CACNA2D2: variants seen among roughly 807,000 people sequenced by gnomAD.
CACNA2D2 encodes calcium voltage-gated channel auxiliary subunit alpha2delta 2.
CACNA2D2 carries 48 observed loss-of-function variants against 166.4 expected under a neutral mutation model. The ratio of observed to expected loss-of-function variants is 0.29; its 90% CI spans 0.23 to 0.37. The LOEUF is 0.37. Ranked by LOEUF, CACNA2D2 falls within the 10% of genes least tolerant of loss-of-function variation. The pLI, the probability that CACNA2D2 is intolerant of heterozygous loss-of-function variation, is 1.00. For missense variants in CACNA2D2, 1,122 were observed against 1,433.0 expected, an observed-to-expected ratio of 0.78 and a Z score of 3.50; for synonymous variants, 561 against 573.7, an observed-to-expected ratio of 0.98 and a Z score of 0.32.
At chr3:50,387,378 A>G (rs1705664183) in intron 5 of CACNA2D2, among the ~76,000 whole-genome samples, 190 bp downstream of exon 5, 1 of 152,174 alleles carries the variant, frequency 6.6e-6, no homozygotes, top group African/African-American at 2.4e-5. Flanking sequence ...TCAGCCCACT[A>G]GTGCACAGAG....
chr3:50,469,037 C>T (rs946520641), intron 2 of CACNA2D2, among the ~76,000 whole-genome samples: 7 of 152,046 alleles, frequency 4.6e-5, no homozygotes, highest in African/African-American at 1.7e-4. Context: ...CTATGTTGGC[C>T]AGGCTGGTCT....
At chr3:50,436,623 G>C (rs1708362588) in intron 2 of CACNA2D2, among the ~76,000 whole-genome samples, 1 of 152,244 alleles carries the variant, frequency 6.6e-6, no homozygotes, top group African/African-American at 2.4e-5. Context: ...GAGAACAGTA[G>C]TACCCACCTC....
At chr3:50,496,911 A>G (rs1698747721) in intron 1 of CACNA2D2, among the ~76,000 whole-genome samples, 1 of 152,194 alleles carries the variant, frequency 6.6e-6, no homozygotes, top group African/African-American at 2.4e-5. Flanking sequence ...CAGGGAAAAG[A>G]CAGGCAGAAG....
chr3:50,365,170 T>G lies in CACNA2D2; in HGVS notation c.3113A>C (p.Gln1038Pro). The part of the protein sequence containing the change: ...CGNCSRLFHA[Q>P]RLTNTNLLFV... ...GAGAAGATTGGTGTTGGTCAGTCTC[T>G]GCGCGTGGAACAGCCTGCGGGCAGC... Residue 1038 changes from glutamine to proline, a missense_variant, in exon 36 of 38, where the codon CAG becomes CCG. Gln to Pro is a moderately conservative substitution (Grantham distance 76). This residue lies in a region of CACNA2D2 where 282 missense variants were observed against 266.2 expected (regional missense o/e 1.06). Transcript: ENST00000424201. The surrounding 1 kb of genome is among the most constrained non-coding windows in gnomAD (Gnocchi z 4.5). 6.2e-7 allele frequency: 1 copy of G among 1,612,102 alleles called. No individual in the cohort carries two copies. The highest frequency in any genetic ancestry group is 8.5e-7 in the Non-Finnish European group (1 of 1,179,702).
chr3:50,376,160 A>G lies in CACNA2D2; in HGVS notation c.1655T>C (p.Ile552Thr), dbSNP rs1704975948. 1.9e-6 allele frequency: 3 copies of G among 1,613,466 alleles called. No individual in the cohort carries two copies. Among genetic ancestry groups the G allele is most frequent in the African/African-American group, 1.3e-5 (1 of 75,028 alleles). The change falls in exon 18 of 38, where the codon ATT (isoleucine) becomes ACT (threonine). Residue 552 changes from isoleucine to threonine, a missense_variant. Transcript: ENST00000424201. The surrounding 1 kb of genome is among the most constrained non-coding windows in gnomAD (Gnocchi z 4.3). Reference sequence around the variant, plus strand: ...CAGCAACACGTAGCCGTTCAGGTCAATGGCAAACACATAGCCGTTGGCTCC... The same window carrying G: ...CAGCAACACGTAGCCGTTCAGGTCAGTGGCAAACACATAGCCGTTGGCTCC... ...TLGANGYVFAIDLNGYVLLHP... is the reference protein window; with the variant it reads ...TLGANGYVFATDLNGYVLLHP...
At chr3:50,439,376 C>A (rs147748471) in intron 2 of CACNA2D2, among the ~76,000 whole-genome samples, 1 of 152,348 alleles carries the variant, frequency 6.6e-6, no homozygotes, top group East Asian at 1.9e-4. Context: ...AGGTGAACAG[C>A]CCTAATCTCT....
intron 3 of CACNA2D2, among the ~76,000 whole-genome samples, chr3:50,401,059 A>C (rs1040791923): frequency 5.9e-5 from 9 of 152,226 alleles, no homozygotes; most frequent in African/African-American, 1.9e-4. Flanking sequence ...CAGAGTAACA[A>C]AAAACACTGA....
intron 2 of CACNA2D2, among the ~76,000 whole-genome samples, chr3:50,453,888 G>C (rs1709222667): frequency 6.6e-6 from 1 of 152,120 alleles, no homozygotes; most frequent in Non-Finnish European, 1.5e-5. Flanking sequence ...TGGAGTGGTA[G>C]GTCAGGGAAG....
chr3:50,417,791 T>C (rs1313291716), intron 3 of CACNA2D2, among the ~76,000 whole-genome samples: 1 of 152,210 alleles, frequency 6.6e-6, no homozygotes, highest in African/African-American at 2.4e-5. Flanking sequence ...ATTACTCATC[T>C]ACTTTGCTTC....
intron 2 of CACNA2D2, among the ~76,000 whole-genome samples, chr3:50,450,677 A>G (rs1709053879): frequency 6.6e-6 from 1 of 152,180 alleles, no homozygotes; most frequent in African/African-American, 2.4e-5. Context: ...ACAGAGTGAA[A>G]GAGGCTGTTG....
intron 2 of CACNA2D2, among the ~76,000 whole-genome samples, chr3:50,436,558 A>T (rs1173481015): frequency 2.0e-5 from 3 of 152,160 alleles, no homozygotes; most frequent in African/African-American, 7.2e-5. Flanking sequence ...TTGGAAGCTG[A>T]GACTCTGCCA....
Position 50,434,402 on chromosome 3 carries a change from C to T in CACNA2D2, c.316G>A (p.Glu106Lys), listed in dbSNP as rs140875826. The change falls in exon 3 of 38, where the codon GAG (glutamate) becomes AAG (lysine). Residue 106 changes from glutamate to lysine, a missense_variant. Around this residue, in one of 2 missense-constraint regions of CACNA2D2, gnomAD observed 840 missense variants for 1,166.8 expected, o/e 0.72. Coordinates refer to ENST00000424201, the MANE Select transcript of CACNA2D2 (RefSeq NM_006030.4). ...TTCTGAGGCTCATTCTCCTGTACCT[C>T]GAACAGGTTCCGGTTGTCCTTGTAA... ...EIYKDNRNLFEVQENEPQKLV... is the reference protein window; with the variant it reads ...EIYKDNRNLFKVQENEPQKLV... 37 of 1,614,124 alleles carry T rather than the reference C, an allele frequency of 2.3e-5. No homozygotes were observed. Among genetic ancestry groups the T allele is most frequent in the Non-Finnish European group, 2.6e-5 (31 of 1,179,958 alleles).
chr3:50,391,315 GGGC>G (rs1004409368), intron 4 of CACNA2D2, among the ~76,000 whole-genome samples: 1 of 152,212 alleles, frequency 6.6e-6, no homozygotes, highest in African/African-American at 2.4e-5. Flanking sequence ...TGAGGCCCTG[GGGC>G]CAATGGCCAC....
intron 17 of CACNA2D2, among the ~76,000 whole-genome samples, chr3:50,377,210 T>C (rs755569818): frequency 4.6e-5 from 7 of 152,240 alleles, no homozygotes; most frequent in Non-Finnish European, 1.0e-4. Flanking sequence ...GCTTTCACAA[T>C]ACAACAGTGC....
At chr3:50,500,040 G>T (rs1237623344) in intron 1 of CACNA2D2, among the ~76,000 whole-genome samples, 1 of 152,174 alleles carries the variant, frequency 6.6e-6, no homozygotes, top group Non-Finnish European at 1.5e-5. Flanking sequence ...GAGTGATGCT[G>T]CCTCCCTCCA....
At chr3:50,399,213 C>A (rs191357271) in intron 3 of CACNA2D2, among the ~76,000 whole-genome samples, 1 of 152,342 alleles carries the variant, frequency 6.6e-6, no homozygotes, top group East Asian at 1.9e-4. Flanking sequence ...TCCTCACCAG[C>A]CCTCACCTGG....
chr3:50,396,986 C>T (rs1706192449), intron 3 of CACNA2D2, among the ~76,000 whole-genome samples: 1 of 152,206 alleles, frequency 6.6e-6, no homozygotes. Flanking sequence ...GGAACTCCTG[C>T]CCCTGCCTCT....
rs1553739124 is a variant in CACNA2D2 at position 50,410,483 on chromosome 3, G to GGT, written c.406-16316_406-16315insAC. On this transcript the variant is annotated intron_variant, in intron 3 of 37. Transcript: ENST00000424201. ...CAGAGCTGGGTGCTCCCTGGGATGG[G>GGT]GGGGGGGGTGTTGTCTTTGTGCCCC... Among the ~76,000 whole-genome samples, 5 of 147,494 alleles carry GGT rather than the reference G, an allele frequency of 3.4e-5. 1 individual carries two copies. Among genetic ancestry groups the GGT allele is most frequent in the African/African-American group, 9.8e-5 (4 of 40,920 alleles).
chr3:50,416,504 G>A (rs770337326), intron 3 of CACNA2D2, among the ~76,000 whole-genome samples: 13 of 152,194 alleles, frequency 8.5e-5, no homozygotes, highest in African/African-American at 1.2e-4. Context: ...CCCTGATTTG[G>A]CACTCCCCAC....
Sources: gnomAD v4.1 joint callset for allele counts (sites outside exome capture counted in the v4.1 genomes callset) on GRCh38, gnomAD v4.1.1 for gene constraint, gnomAD v4.1.1 regional missense constraint, Gnocchi (gnomAD v3.1) non-coding constraint, MANE v1.5 for transcripts, NCBI Gene and HGNC (gene_info 2026-07-23, HGNC 2026-07-21) for gene names.